Variants in BDNF observed in about 807,000 individuals in gnomAD.
The protein encoded by BDNF is brain derived neurotrophic factor, also known as neurotrophic factor BDNF precursor form.
A neutral mutation model predicts 19.5 loss-of-function variants in BDNF; 1 was observed. The observed-to-expected ratio is 0.05, with a 90% CI of 0.02 to 0.24. The LOEUF (loss-of-function observed/expected upper bound fraction) is 0.24. Among genes scored for constraint, BDNF ranks in the 10% least tolerant of loss-of-function variants. BDNF has a pLI of 1.00. For synonymous variants in BDNF, 100 were observed against 121.6 expected, an observed-to-expected ratio of 0.82 and a Z score of 1.17; for missense variants, 195 against 317.6, an observed-to-expected ratio of 0.61 and a Z score of 2.93.
Position 27,657,779 on chromosome 11 carries a change from ATT to A in BDNF, c.*40_*41del, listed in dbSNP as rs751007747. 1.2e-6 allele frequency: 2 copies of A among 1,605,278 alleles called. No homozygotes were observed. The highest frequency in any genetic ancestry group is 2.2e-5 in the South Asian group (2 of 90,752). On this transcript the variant is annotated 3_prime_UTR_variant, in exon 2 of 2. Transcript: ENST00000356660. The surrounding 1 kb of genome is among the most constrained non-coding windows in gnomAD (Gnocchi z 5.0). The stretch of plus-strand genomic sequence containing the variant: ...TGTTATGTATATATACAAATAGATA[ATT>A]TTTGTCTCAATATAATCTAATCTAT...
At chr11:27,708,759 G>A (rs1590485928) in intron 1 of BDNF, among the ~76,000 whole-genome samples, 2 of 150,998 alleles carry the variant, frequency 1.3e-5, no homozygotes, top group East Asian at 1.9e-4. Flanking sequence ...AATTTTAAAT[G>A]AGCAAACATT....
intron 1 of BDNF, among the ~76,000 whole-genome samples, chr11:27,661,612 A>G (rs549711685): frequency 6.6e-6 from 1 of 152,212 alleles, no homozygotes; most frequent in South Asian, 2.1e-4. Flanking sequence ...CCACCCTAAT[A>G]CTATTCTCTT....
At position 27,721,871 on chromosome 11, in the gene BDNF, A is replaced by G. The variant is rs558731195; in HGVS notation, c.-457T>C. ...TTTCAGGGTACCCCTGTAAAAAAAA[A>G]AACTCAGCCTGCACACCGCTCCCTT... is the stretch of plus-strand genomic sequence containing the variant. On this transcript the variant is annotated 5_prime_UTR_variant, in exon 1 of 2. Transcript: ENST00000314915. 3 of 186,316 alleles carry G rather than the reference A, an allele frequency of 1.6e-5. No individual in the cohort carries two copies. The South Asian group carries it at 3.6e-4, about 22-fold the overall frequency. 11.5% of individuals were successfully genotyped at this position (186,316 alleles called of 1,614,324 possible).
At chr11:27,721,422 T>C (rs1439064007) in exon 1 of BDNF, 1 of 1,614,138 alleles carries the variant, frequency 6.2e-7, no homozygotes, top group Non-Finnish European at 8.5e-7. Flanking sequence ...CATTGTGCCT[T>C]TGCTGTCCTG....
chr11:27,672,032 G>A (rs1164255107), intron 1 of BDNF, among the ~76,000 whole-genome samples: 1 of 152,114 alleles, frequency 6.6e-6, no homozygotes, highest in Non-Finnish European at 1.5e-5. Context: ...CTTGTTTTAT[G>A]GGGACATTTA....
chr11:27,694,266 A>G (rs978618804), intron 1 of BDNF, among the ~76,000 whole-genome samples: 1 of 152,340 alleles, frequency 6.6e-6, no homozygotes, highest in South Asian at 2.1e-4. Context: ...CAAATTACAC[A>G]TAAGAAATTA....
chr11:27,670,082 C>T (rs1299285734), intron 1 of BDNF, among the ~76,000 whole-genome samples: 2 of 152,162 alleles, frequency 1.3e-5, no homozygotes, highest in Non-Finnish European at 2.9e-5. Context: ...TGGAACAGAA[C>T]AGAGCCCTCA....
At chr11:27,674,325 T>C (rs1044632347) in intron 1 of BDNF, 2 of 1,545,654 alleles carry the variant, frequency 1.3e-6, no homozygotes, top group Non-Finnish European at 1.7e-6. Context: ...CACTCTATAA[T>C]TTCTTTTAAT....
intron 1 of BDNF, among the ~76,000 whole-genome samples, chr11:27,717,823 C>T (rs2134114098): frequency 6.6e-6 from 1 of 151,912 alleles, no homozygotes; most frequent in Middle Eastern, 3.4e-3. Context: ...TTCATTTCCA[C>T]AACAGTTTAG....
intron 1 of BDNF, among the ~76,000 whole-genome samples, chr11:27,670,183 T>C (rs1217560279): frequency 2.0e-5 from 3 of 152,150 alleles, no homozygotes; most frequent in Non-Finnish European, 4.4e-5. Context: ...TAATAAATGG[T>C]GCTGGGAAAA....
chr11:27,713,184 C>G (rs535045023), intron 1 of BDNF, among the ~76,000 whole-genome samples: 1 of 152,324 alleles, frequency 6.6e-6, no homozygotes, highest in South Asian at 2.1e-4. Flanking sequence ...CAGGCGTTAG[C>G]CACCACACTG....
chr11:27,721,941 C>T (rs1198585994), exon 1 of BDNF: 1 of 155,034 alleles, frequency 6.5e-6, no homozygotes, highest in Non-Finnish European at 1.4e-5. Flanking sequence ...AAGCTGAATT[C>T]GGCTCGGGAG....
chr11:27,721,643 T>C (rs556123929), exon 1 of BDNF: 52 of 604,892 alleles, frequency 8.6e-5, no homozygotes, highest in Non-Finnish European at 1.4e-4. Context: ...CTGGCATCGA[T>C]GTCGAAAAAC....
At chr11:27,671,077 T>C (rs1855284015) in intron 1 of BDNF, among the ~76,000 whole-genome samples, 1 of 152,100 alleles carries the variant, frequency 6.6e-6, no homozygotes, top group Non-Finnish European at 1.5e-5. Context: ...AAACACCGCA[T>C]GTTCTCACTC....
At chr11:27,660,219 T>C in intron 1 of BDNF, 1 of 1,236,412 alleles carries the variant, frequency 8.1e-7, no homozygotes, top group Non-Finnish European at 1.0e-6. Flanking sequence ...GCAAATGTTC[T>C]CCACTTTTGT....
chr11:27,701,947 C>A (rs746003871), upstream of BDNF, among the ~76,000 whole-genome samples: 9 of 152,170 alleles, frequency 5.9e-5, no homozygotes, highest in South Asian at 2.1e-4. Flanking sequence ...GCAGAACTGG[C>A]TCAGTTAATC....
At chr11:27,676,652 T>C (rs1357146610) in intron 1 of BDNF, among the ~76,000 whole-genome samples, 2 of 152,244 alleles carry the variant, frequency 1.3e-5, no homozygotes, top group Non-Finnish European at 2.9e-5. Flanking sequence ...TCAATGTTTA[T>C]ATTGTACTTG....
At chr11:27,694,027 AC>A (rs1307511537) in intron 1 of BDNF, among the ~76,000 whole-genome samples, 3 of 152,140 alleles carry the variant, frequency 2.0e-5, no homozygotes, top group African/African-American at 7.2e-5. Context: ...CATGAATAAC[AC>A]AAAGCACAAA....
intron 1 of BDNF, chr11:27,659,627 CTCTGTG>C (rs1430065522): frequency 7.6e-6 from 7 of 917,170 alleles, no homozygotes; most frequent in African/African-American, 7.5e-5. Context: ...GAGATGTTCT[CTCTGTG>C]TGTGTGTGTG....
Sources: gnomAD v4.1 joint callset for allele counts (sites outside exome capture counted in the v4.1 genomes callset) on GRCh38, gnomAD v4.1.1 for gene constraint, Gnocchi (gnomAD v3.1) non-coding constraint, MANE v1.5 for transcripts, NCBI Gene and HGNC (gene_info 2026-07-23, HGNC 2026-07-21) for gene names.